The following WDFY1 variants were observed in gnomAD, a reference collection of about 807,000 sequenced individuals.
The protein encoded by WDFY1 is WD repeat and FYVE domain-containing protein 1.
Under a neutral mutation model 56.4 loss-of-function variants are expected in WDFY1, and 32 were observed. That is an observed-to-expected ratio of 0.57 (90% CI 0.43 to 0.76). WDFY1 has a LOEUF of 0.76. Among genes scored for constraint, WDFY1 ranks in the 30% least tolerant of loss-of-function variants. The probability of loss-of-function intolerance (pLI) is 0.00; values close to 1 mark genes in which losing one functional copy is unlikely to be tolerated. For synonymous variants in WDFY1, 192 were observed against 197.3 expected, an observed-to-expected ratio of 0.97 and a Z score of 0.23; for missense variants, 480 against 545.7, an observed-to-expected ratio of 0.88 and a Z score of 1.20.
intron 11 of WDFY1, among the ~76,000 whole-genome samples, chr2:223,879,839 C>T (rs567577378): frequency 5.3e-5 from 8 of 152,168 alleles, no homozygotes; most frequent in African/African-American, 1.9e-4. Context: ...GGGTGAGGAC[C>T]CAGGCCAGCA....
At chr2:223,944,224 C>G (rs1439566958) in intron 1 of WDFY1, among the ~76,000 whole-genome samples, 1 of 152,198 alleles carries the variant, frequency 6.6e-6, no homozygotes. Flanking sequence ...GGCTGGAGTT[C>G]CTCGCAAAGA....
intron 4 of WDFY1, 112 bp downstream of exon 4, chr2:223,905,835 A>G: frequency 1.0e-5 from 8 of 771,584 alleles, no homozygotes; most frequent in Non-Finnish European, 1.5e-5. Context: ...TAGTGGGGGT[A>G]ACAAAACTAA....
At chr2:223,880,796 T>C (rs1179896632) in intron 10 of WDFY1, among the ~76,000 whole-genome samples, 2 of 151,414 alleles carry the variant, frequency 1.3e-5, no homozygotes, top group Admixed American at 1.3e-4. Context: ...GGCTGATACA[T>C]TCCTAGATAT....
intron 3 of WDFY1, among the ~76,000 whole-genome samples, chr2:223,906,955 C>CTATTATT (rs1559168685): frequency 1.5e-5 from 1 of 65,848 alleles, no homozygotes; most frequent in Admixed American, 1.9e-4. Context: ...TTACTACTAC[C>CTATTATT]ATTATTATTA....
intron 3 of WDFY1, 71 bp from the exon 4 acceptor site, chr2:223,906,072 CA>C: frequency 1.6e-6 from 2 of 1,245,368 alleles, no homozygotes; most frequent in Non-Finnish European, 2.2e-6. Context: ...ACTTGACTTT[CA>C]AAAATGAAGT....
intron 1 of WDFY1, among the ~76,000 whole-genome samples, chr2:223,920,836 C>T (rs1358320810): frequency 3.3e-5 from 5 of 152,206 alleles, no homozygotes; most frequent in Admixed American, 1.3e-4. Context: ...CTGAACCGTA[C>T]GGAAGACAAG....
chr2:223,933,242 G>A (rs1261843832), intron 1 of WDFY1, among the ~76,000 whole-genome samples: 1 of 152,066 alleles, frequency 6.6e-6, no homozygotes, highest in Non-Finnish European at 1.5e-5. Flanking sequence ...TGTCACCACA[G>A]GCAGATTTTA....
Position 223,894,283 on chromosome 2 carries a change from G to A in WDFY1, c.782C>T (p.Ser261Phe), listed in dbSNP as rs767890984. The change falls in exon 8 of 12, where the codon TCC (serine) becomes TTC (phenylalanine). Residue 261 changes from serine to phenylalanine, a missense_variant. Transcript: ENST00000233055. ...LQLTRQLVSC[S>F]SDGGIAVWNM... ...CCACACTGCAATTCCGCCGTCCGAGGAACAGGAGACGAGCTGCCTGGTGAG... is the reference window on the plus strand; with the variant it reads ...CCACACTGCAATTCCGCCGTCCGAGAAACAGGAGACGAGCTGCCTGGTGAG... 1.2e-6 allele frequency: 2 copies of A among 1,614,174 alleles called. No homozygotes were observed. Among genetic ancestry groups the A allele is most frequent in the East Asian group, 2.2e-5 (1 of 44,882 alleles).
At chr2:223,909,744 G>T (rs1277306235) in intron 3 of WDFY1, among the ~76,000 whole-genome samples, 1 of 152,056 alleles carries the variant, frequency 6.6e-6, no homozygotes, top group Non-Finnish European at 1.5e-5. Flanking sequence ...ATGTCTCCAA[G>T]ACTTATCTCA....
chr2:223,903,618 A>G (rs532748209), intron 4 of WDFY1, among the ~76,000 whole-genome samples: 10 of 149,930 alleles, frequency 6.7e-5, no homozygotes, highest in South Asian at 2.1e-4. Flanking sequence ...TTAATGAAAG[A>G]TGAAAAATAC....
At chr2:223,938,556 A>G (rs1689241950) in intron 1 of WDFY1, among the ~76,000 whole-genome samples, 1 of 152,198 alleles carries the variant, frequency 6.6e-6, no homozygotes, top group African/African-American at 2.4e-5. Context: ...CAAAATACTA[A>G]TGACTTCATA....
chr2:223,903,938 G>C (rs572222526), intron 4 of WDFY1, among the ~76,000 whole-genome samples: 1 of 152,234 alleles, frequency 6.6e-6, no homozygotes, highest in East Asian at 1.9e-4. Flanking sequence ...AATTTATTAA[G>C]GAATTTGCCT....
At position 223,875,646 on chromosome 2, in the gene WDFY1, T is replaced by C. The variant is rs1056533035; in HGVS notation, c.*3025A>G. 2.6e-5 allele frequency: 4 copies of C among 152,168 alleles called. No homozygotes were observed. The highest frequency in any genetic ancestry group is 1.9e-4 in the East Asian group (1 of 5,202). The allele number at this position is 152,168 out of a possible 1,614,324, so 9.4% of individuals were successfully genotyped here. On this transcript the variant is annotated 3_prime_UTR_variant, in exon 12 of 12. Coordinates refer to ENST00000233055, the MANE Select transcript of WDFY1 (RefSeq NM_020830.5). ...TTATTGTATTGTAAACTGCAGAAAA[T>C]AGAATAGGCATTCAATAAATCTGCT... is the stretch of plus-strand genomic sequence containing the variant.
At chr2:223,894,502 A>C in intron 7 of WDFY1, 163 bp from the exon 8 acceptor site, 1 of 647,688 alleles carries the variant, frequency 1.5e-6, no homozygotes, top group Middle Eastern at 2.5e-4. Context: ...TTTACTTGGC[A>C]TTTTATAACT....
intron 1 of WDFY1, among the ~76,000 whole-genome samples, chr2:223,943,819 T>C (rs570251889): frequency 6.6e-6 from 1 of 152,310 alleles, no homozygotes; most frequent in East Asian, 1.9e-4. Flanking sequence ...GCTTCACCAG[T>C]ATCTCTGTAA....
intron 9 of WDFY1, 99 bp from the exon 10 acceptor site, chr2:223,882,171 G>C: frequency 6.9e-7 from 1 of 1,439,872 alleles, no homozygotes; most frequent in Non-Finnish European, 9.2e-7. Context: ...CTGGAGTGCA[G>C]TGGCGTGATC....
rs531768999 is a variant in WDFY1, at chr2:223,902,143, A to C, written c.335-810T>G. ...TCTCAGCTGTACAGACTGCTTAGGA[A>C]GAACTGAGGGACTCTCCCCAAAAGT... On this transcript the variant is annotated intron_variant, in intron 4 of 11. Coordinates refer to ENST00000233055, the MANE Select transcript of WDFY1 (RefSeq NM_020830.5). Among the ~76,000 whole-genome samples the C allele has an allele frequency of 2.0e-5, 3 of 152,352 alleles. No individual in the cohort carries two copies. In the South Asian group the frequency reaches 6.2e-4, roughly 32 times the overall value.
intron 11 of WDFY1, among the ~76,000 whole-genome samples, chr2:223,879,300 A>T (rs1693024968): frequency 6.6e-6 from 1 of 152,202 alleles, no homozygotes; most frequent in African/African-American, 2.4e-5. Flanking sequence ...TTTAGTATAA[A>T]TTCAATTTTT....
rs1170938706 is a variant in WDFY1 at position 223,880,169 on chromosome 2, A to G, written c.1128T>C (p.Ile376=). The G allele has an allele frequency of 6.2e-7, 1 of 1,614,202 alleles. No homozygotes were observed. Among genetic ancestry groups the G allele is most frequent in the Admixed American group, 1.7e-5 (1 of 60,024 alleles). ...KHNISHMSMD[I]ARGLMVTCGT... is the part of the protein sequence containing the mutation. The stretch of plus-strand genomic sequence containing the variant: ...CACAGGTCACCATCAGTCCCCTGGC[A>G]ATGTCCATGGACATGTGGGAAATGT... Residue 376 remains isoleucine, a synonymous_variant, in exon 11 of 12, where the codon ATT becomes ATC. Coordinates refer to ENST00000233055, the MANE Select transcript of WDFY1 (RefSeq NM_020830.5).
Sources: gnomAD v4.1 joint callset for allele counts (sites outside exome capture counted in the v4.1 genomes callset) on GRCh38, gnomAD v4.1.1 for gene constraint, MANE v1.5 for transcripts, NCBI Gene and HGNC (gene_info 2026-07-23, HGNC 2026-07-21) for gene names.